Variants in BCL2 observed in about 807,000 individuals in gnomAD.
The protein encoded by BCL2 is BCL2 apoptosis regulator, also known as apoptosis regulator Bcl-2.
BCL2 carries 1 observed loss-of-function variant against 14.2 expected under a neutral mutation model. The observed-to-expected ratio is 0.07, with a 90% confidence interval of 0.02 to 0.33. The LOEUF (loss-of-function observed/expected upper bound fraction) is 0.33. Among genes scored for constraint, BCL2 ranks in the 10% least tolerant of loss-of-function variants. BCL2 has a pLI of 0.99. For synonymous variants in BCL2, 151 were observed against 137.2 expected, an observed-to-expected ratio of 1.10 and a Z score of -0.70; for missense variants, 247 against 305.9, an observed-to-expected ratio of 0.81 and a Z score of 1.44.
intron 2 of BCL2, among the ~76,000 whole-genome samples, chr18:63,258,840 T>A (rs1051334152): frequency 5.9e-5 from 9 of 152,212 alleles, no homozygotes; most frequent in African/African-American, 2.2e-4. Flanking sequence ...TCGATGATGG[T>A]GATTTTCTCT....
At chr18:63,251,642 C>A (rs1350220320) in intron 2 of BCL2, among the ~76,000 whole-genome samples, 1 of 143,036 alleles carries the variant, frequency 7.0e-6, no homozygotes, top group African/African-American at 2.5e-5. Context: ...AAGACTCTGT[C>A]TCAAAAAAAA....
chr18:63,127,174 T>C lies in BCL2; in HGVS notation c.*1451A>G, dbSNP rs1806946048. 4.4e-6 allele frequency: 1 copy of C among 229,668 alleles called. No homozygotes were observed. Among genetic ancestry groups the C allele is most frequent in the Non-Finnish European group, 8.6e-6 (1 of 115,858 alleles). 14.2% of individuals were successfully genotyped at this position (229,668 alleles called of 1,614,324 possible). A position where few individuals can be genotyped will look rare whatever the true frequency, so the allele number is the denominator to read the frequency against. On this transcript the variant is annotated 3_prime_UTR_variant, in exon 3 of 3. Transcript: ENST00000333681. ...ATGTAATTCCATAGACAGGGGTCAA[T>C]TAATCCATGACACCTCACTTCAATG... is the stretch of plus-strand genomic sequence containing the variant.
At chr18:63,224,469 C>A (rs1015929711) in intron 2 of BCL2, among the ~76,000 whole-genome samples, 4 of 152,184 alleles carry the variant, frequency 2.6e-5, no homozygotes, top group Non-Finnish European at 4.4e-5. Context: ...TTTCTGATAG[C>A]AACATTGGGA....
intron 2 of BCL2, among the ~76,000 whole-genome samples, chr18:63,204,542 T>C (rs1489184928): frequency 6.6e-6 from 1 of 152,010 alleles, no homozygotes; most frequent in Non-Finnish European, 1.5e-5. Context: ...AATAATCACA[T>C]CCATATGAAC....
intron 2 of BCL2, among the ~76,000 whole-genome samples, chr18:63,201,780 G>C (rs1428048405): frequency 2.0e-5 from 3 of 151,786 alleles, no homozygotes; most frequent in Non-Finnish European, 4.4e-5. Flanking sequence ...TGAACAATGA[G>C]AACAACATGA....
At chr18:63,309,536 T>C (rs1913240914) in intron 2 of BCL2, among the ~76,000 whole-genome samples, 1 of 152,214 alleles carries the variant, frequency 6.6e-6, no homozygotes, top group Non-Finnish European at 1.5e-5. Flanking sequence ...GTCAGTCCTT[T>C]GATTCTACAC....
chr18:63,240,598 A>G (rs753258881), intron 2 of BCL2, among the ~76,000 whole-genome samples: 16 of 152,256 alleles, frequency 1.1e-4, no homozygotes, highest in Non-Finnish European at 2.1e-4. Flanking sequence ...GAAGGAAATT[A>G]GCCTGATTTC....
At chr18:63,218,766 A>T (rs1246299149) in intron 2 of BCL2, among the ~76,000 whole-genome samples, 1 of 4,214 alleles carries the variant, frequency 2.4e-4, no homozygotes, top group Non-Finnish European at 4.6e-4. Flanking sequence ...ATCCCCCTCT[A>T]CTCATCCCCA....
chr18:63,198,948 G>C (rs796489843), intron 2 of BCL2, among the ~76,000 whole-genome samples: 61 of 1,068 alleles, frequency 0.057, no homozygotes, highest in East Asian at 0.093. Context: ...CACTGACACA[G>C]AGACACACAC....
chr18:63,222,336 A>C (rs1910420067), intron 2 of BCL2, among the ~76,000 whole-genome samples: 2 of 151,800 alleles, frequency 1.3e-5, no homozygotes, highest in African/African-American at 2.4e-5. Flanking sequence ...AAAGAAAAGG[A>C]AAAATATCTG....
chr18:63,170,876 G>C (rs1405829678), intron 2 of BCL2, among the ~76,000 whole-genome samples: 2 of 152,196 alleles, frequency 1.3e-5, no homozygotes, highest in Non-Finnish European at 2.9e-5. Context: ...GTCAACAGTT[G>C]GCTGGACACT....
At position 63,169,973 on chromosome 18, in the gene BCL2, T is replaced by A. The variant is rs558796187; in HGVS notation, c.586-41214A>T. ...TTCCTTGCAACTGTAACAAGCAAAC[T>A]CATGTCATCAATAGCCATATTATGA... On this transcript the variant is annotated intron_variant, in intron 2 of 2. Transcript: ENST00000333681. 2.6e-5 allele frequency among the ~76,000 whole-genome samples: 4 copies of A among 152,286 alleles called. No homozygotes were observed. The South Asian group carries it at 6.2e-4, about 24-fold the overall frequency.
intron 2 of BCL2, among the ~76,000 whole-genome samples, chr18:63,264,568 G>A (rs4941190): frequency 0.73 from 110,361 of 152,144 alleles, 42,141 homozygotes; most frequent in South Asian, 0.9. Context: ...ATCACAGCCC[G>A]ATTCCCTGCA....
intron 2 of BCL2, among the ~76,000 whole-genome samples, chr18:63,243,077 A>G (rs910669746): frequency 3.3e-5 from 5 of 152,220 alleles, no homozygotes; most frequent in African/African-American, 1.2e-4. Context: ...TGCACTACTC[A>G]CAATAGCAAA....
intron 2 of BCL2, among the ~76,000 whole-genome samples, chr18:63,174,697 G>A (rs1288287491): frequency 6.6e-6 from 1 of 151,776 alleles, no homozygotes; most frequent in Non-Finnish European, 1.5e-5. Context: ...GCAGGCACCT[G>A]TAATCCCAGC....
At chr18:63,277,134 C>T (rs992978978) in intron 2 of BCL2, among the ~76,000 whole-genome samples, 2 of 152,190 alleles carry the variant, frequency 1.3e-5, no homozygotes, top group African/African-American at 4.8e-5. Context: ...AGACTCTTCT[C>T]TCAGAGATCC....
At chr18:63,287,357 A>T (rs1260954564) in intron 2 of BCL2, among the ~76,000 whole-genome samples, 1 of 152,252 alleles carries the variant, frequency 6.6e-6, no homozygotes, top group African/African-American at 2.4e-5. Flanking sequence ...TTTTAGGAAG[A>T]TAAATGGCAT....
intron 2 of BCL2, among the ~76,000 whole-genome samples, chr18:63,131,480 A>G (rs80339992): frequency 0.038 from 5,855 of 152,258 alleles, 200 homozygotes; most frequent in South Asian, 0.089. Flanking sequence ...ATAAGCAGGG[A>G]TCAGTGGGGC....
chr18:63,146,922 C>G (rs762303243), intron 2 of BCL2, among the ~76,000 whole-genome samples: 2 of 152,036 alleles, frequency 1.3e-5, no homozygotes, highest in African/African-American at 4.8e-5. Flanking sequence ...ACTTTAAATG[C>G]GAAAAAAATA....
Sources: allele counts gnomAD v4.1 joint callset (sites outside exome capture counted in the v4.1 genomes callset), GRCh38; gene constraint gnomAD v4.1.1; transcripts MANE v1.5; gene names NCBI Gene and HGNC (gene_info 2026-07-23, HGNC 2026-07-21).